The following TMEM106B variants were observed in gnomAD, a reference collection of about 807,000 sequenced individuals.
TMEM106B encodes the protein transmembrane protein 106B.
TMEM106B carries 15 observed loss-of-function variants against 31.1 expected under a neutral mutation model. The ratio of observed to expected loss-of-function variants is 0.48; its 90% CI spans 0.32 to 0.74. The LOEUF (loss-of-function observed/expected upper bound fraction) is 0.74. TMEM106B is among the 30% of genes least tolerant of loss of function. The pLI is 0.03. For missense variants in TMEM106B, 283 were observed against 327.3 expected (o/e 0.86, Z 1.04); for synonymous variants, 126 against 112.5 (o/e 1.12, Z -0.76).
intron 2 of TMEM106B, chr7:12,215,664 A>G (rs1323137893): frequency 2.7e-6 from 1 of 371,258 alleles, no homozygotes. Context: ...GCGATCATCC[A>G]GCCTTGGCCT....
chr7:12,229,261 A>T (rs1781964710), intron 4 of TMEM106B, among the ~76,000 whole-genome samples: 1 of 152,102 alleles, frequency 6.6e-6, no homozygotes, highest in African/African-American at 2.4e-5. Context: ...TCCCCAACCA[A>T]CCAGACTTGA....
chr7:12,219,519 C>T (rs1382486543), intron 3 of TMEM106B, among the ~76,000 whole-genome samples: 2 of 152,152 alleles, frequency 1.3e-5, no homozygotes, highest in Non-Finnish European at 2.9e-5. Flanking sequence ...AAGCAAAATA[C>T]TGACACTTTA....
intron 3 of TMEM106B, among the ~76,000 whole-genome samples, chr7:12,218,804 T>A (rs1046110284): frequency 3.3e-5 from 5 of 151,856 alleles, no homozygotes; most frequent in African/African-American, 1.2e-4. Flanking sequence ...TCATTAAAAA[T>A]TGGATAATAA....
chr7:12,224,086 C>A, intron 3 of TMEM106B, 140 bp from the exon 4 acceptor site: 1 of 740,508 alleles, frequency 1.4e-6, no homozygotes, highest in Non-Finnish European at 2.3e-6. Context: ...CCAATACTTT[C>A]AGATGTGAAA....
In TMEM106B at chr7:12,236,008, A is replaced by G. The variant is rs1396955113; in HGVS notation, c.*4033A>G. On this transcript the variant is annotated 3_prime_UTR_variant, in exon 8 of 8. Transcript: ENST00000396668. The stretch of plus-strand genomic sequence containing the variant: ...TGTTTATCTTAGACTATTTTAGGGA[A>G]AAATTTTACATGTTTGAGATGGTGG... 6.6e-6 allele frequency: 1 copy of G among 151,922 alleles called. No homozygotes were observed. The highest frequency in any genetic ancestry group is 2.4e-5 in the African/African-American group (1 of 41,430). 9.4% of individuals were successfully genotyped at this position (151,922 alleles called of 1,614,324 possible).
intron 2 of TMEM106B, among the ~76,000 whole-genome samples, chr7:12,216,958 A>C (rs1375611871): frequency 6.6e-6 from 1 of 152,090 alleles, no homozygotes; most frequent in Non-Finnish European, 1.5e-5. Context: ...AGATTTTCTG[A>C]GGGGTTTGGC....
chr7:12,214,773 C>T (rs1781653614), intron 1 of TMEM106B, 36 bp from the exon 2 acceptor site: 1 of 1,507,340 alleles, frequency 6.6e-7, no homozygotes, highest in Non-Finnish European at 8.9e-7. Flanking sequence ...TACTTTTTTC[C>T]CTGAAGTTTA....
In TMEM106B at chr7:12,214,909, T is replaced by A. The variant is rs771804126; in HGVS notation, c.99T>A (p.Ser33Arg). The change falls in exon 2 of 8, where the codon AGT becomes AGA. Residue 33 changes from serine to arginine, a missense_variant. Ser to Arg is a moderately radical substitution (Grantham distance 110). Transcript: ENST00000396668. ...ACATGAGGAATGGACTGGTTAATAG[T>A]GAAGTCCATAATGAAGATGGAAGAA... is the stretch of plus-strand genomic sequence containing the variant. ...SENMRNGLVN[S>R]EVHNEDGRNG... The A allele has an allele frequency of 5.0e-6, 8 of 1,613,848 alleles. No individual in the cohort carries two copies. In the Admixed American group the frequency reaches 5.0e-5, roughly 10 times the overall value.
chr7:12,231,191 CA>C, intron 7 of TMEM106B, 76 bp downstream of exon 7: 1 of 1,072,940 alleles, frequency 9.3e-7, no homozygotes, highest in East Asian at 2.5e-5. Context: ...ATAATATACA[CA>C]ACATCTTTAT....
At position 12,236,664 on chromosome 7, in the gene TMEM106B, A is replaced by G. The variant is rs73061527; in HGVS notation, c.*4689A>G. On this transcript the variant is annotated 3_prime_UTR_variant, in exon 8 of 8. Coordinates refer to ENST00000396668, the MANE Select transcript of TMEM106B (RefSeq NM_001134232.2). ...CACTTCACCCAGAATTTTAGAAACTAGAAGTCTGGGAGGTACTATATCAGC... is the reference window on the plus strand; with the variant it reads ...CACTTCACCCAGAATTTTAGAAACTGGAAGTCTGGGAGGTACTATATCAGC... The G allele has an allele frequency of 3.3e-5, 5 of 152,182 alleles. No homozygotes were observed. The highest frequency in any genetic ancestry group is 9.6e-5 in the African/African-American group (4 of 41,584). The allele number at this position is 152,182 out of a possible 1,614,324, so 9.4% of individuals were successfully genotyped here.
Position 12,242,920 on chromosome 7 carries a change from T to C in TMEM106B, c.*10945T>C, listed in dbSNP as rs1398070683. 1 of 152,134 alleles carries C rather than the reference T, an allele frequency of 6.6e-6. No homozygotes were observed. The highest frequency in any genetic ancestry group is 1.5e-5 in the Non-Finnish European group (1 of 67,984). The allele number at this position is 152,134 out of a possible 1,614,324, so 9.4% of individuals were successfully genotyped here. A position where few individuals can be genotyped will look rare whatever the true frequency, so the allele number is the denominator to read the frequency against. ...TTATACATATCTACTGATTTATTTATTGCCTATGTACCTATACTAGAACAT... is the reference window on the plus strand; with the variant it reads ...TTATACATATCTACTGATTTATTTACTGCCTATGTACCTATACTAGAACAT... On this transcript the variant is annotated 3_prime_UTR_variant, in exon 8 of 8. Transcript: ENST00000396668.
chr7:12,231,882 C>G lies in TMEM106B; in HGVS notation c.732C>G (p.Ser244=), dbSNP rs749250201. 1 of 1,611,198 alleles carries G rather than the reference C, an allele frequency of 6.2e-7. No homozygotes were observed. The part of the protein sequence containing the change: ...TTYFGHSEQI[S]QERYQYVDCG... ...ACTTTGGCCACTCTGAACAGATATC[C>G]CAGGAGAGGTATCAGTATGTCGACT... The change falls in exon 8 of 8, where the codon TCC becomes TCG. Residue 244 remains serine, a synonymous_variant. Transcript: ENST00000396668.
In TMEM106B at chr7:12,234,979, A is replaced by G. The variant is rs959651177; in HGVS notation, c.*3004A>G. ...AAGATCAAGTATCTCTGTCTCCCAT[A>G]TCTGTGTTCTATCATTTAAAATATA... On this transcript the variant is annotated 3_prime_UTR_variant, in exon 8 of 8. Coordinates refer to ENST00000396668, the MANE Select transcript of TMEM106B (RefSeq NM_001134232.2). The G allele has an allele frequency of 5.9e-5, 9 of 151,884 alleles. No individual in the cohort carries two copies. Among genetic ancestry groups the G allele is most frequent in the African/African-American group, 2.2e-4 (9 of 41,426 alleles). The allele number at this position is 151,884 out of a possible 1,614,324, so 9.4% of individuals were successfully genotyped here.
chr7:12,229,695 C>T lies in TMEM106B; in HGVS notation c.458C>T (p.Thr153Ile). The change falls in exon 5 of 8, where the codon ACA becomes ATA. Residue 153 changes from threonine (T) to isoleucine (I), a missense_variant. Thr to Ile is a moderately conservative substitution (Grantham distance 89). Around this residue, in one of 3 missense-constraint regions of TMEM106B, gnomAD observed 201 missense variants for 211.5 expected, o/e 0.95. Coordinates refer to ENST00000396668, the MANE Select transcript of TMEM106B (RefSeq NM_001134232.2). ...YLNITNTLNI[T>I]NNNYYSVEVE... ...TTTTTGTAGAACACACTAAATATAACAAACAATAACTATTACTCTGTCGAA... is the reference window on the plus strand; with the variant it reads ...TTTTTGTAGAACACACTAAATATAATAAACAATAACTATTACTCTGTCGAA... 6.3e-7 allele frequency: 1 copy of T among 1,598,546 alleles called. No homozygotes were observed. Among genetic ancestry groups the T allele is most frequent in the Non-Finnish European group, 8.5e-7 (1 of 1,175,256 alleles).
chr7:12,231,539 A>G (rs917131024), intron 7 of TMEM106B: 4 of 272,072 alleles, frequency 1.5e-5, no homozygotes, highest in African/African-American at 4.4e-5. Context: ...TTTTTCTATG[A>G]TAAGAGAACC....
At position 12,220,008 on chromosome 7, in the gene TMEM106B, AC is replaced by A. The variant is rs1335611670; in HGVS notation, c.281+1488del. ...GAAATTCTTGAACTTTAAGAAAACA[AC>A]AAAACTCCTAAATACCTAGGCAAAA... On this transcript the variant is annotated intron_variant, in intron 3 of 7. Transcript: ENST00000396668. Among the ~76,000 whole-genome samples, 11 of 152,280 alleles carry A rather than the reference AC, an allele frequency of 7.2e-5. No homozygotes were observed. In the South Asian group the frequency reaches 1.9e-3, roughly 26 times the overall value.
chr7:12,231,947 A>G lies in TMEM106B; in HGVS notation c.797A>G (p.Tyr266Cys), dbSNP rs764463455. 6 of 1,612,072 alleles carry G rather than the reference A, an allele frequency of 3.7e-6. No homozygotes were observed. In the Admixed American group the frequency reaches 1.0e-4, roughly 27 times the overall value. Residue 266 changes from tyrosine to cysteine, a missense_variant, in exon 8 of 8, where the codon TAT becomes TGT. Coordinates refer to ENST00000396668, the MANE Select transcript of TMEM106B (RefSeq NM_001134232.2). ...ACTTATCAGTTGGGGCAGTCTGAATATTTAAATGTACTTCAGCCACAACAG... is the reference window on the plus strand; with the variant it reads ...ACTTATCAGTTGGGGCAGTCTGAATGTTTAAATGTACTTCAGCCACAACAG... ...NTTYQLGQSE[Y>C]LNVLQPQQ
chr7:12,212,825 G>A (rs1583448888), intron 1 of TMEM106B, among the ~76,000 whole-genome samples: 2 of 152,160 alleles, frequency 1.3e-5, no homozygotes, highest in African/African-American at 2.4e-5. Context: ...TGACTTACTT[G>A]GAATGTCTGT....
In TMEM106B at chr7:12,230,498, A is replaced by G. The variant is rs181999404; in HGVS notation, c.632+60A>G. On this transcript the variant is annotated intron_variant, in intron 6 of 7. Transcript: ENST00000396668. Reference sequence around the variant, plus strand: ...AATAATGAAGTGTATAAAATAAAGTATAAAGAGTATACATATTTTTTAATT... The same window carrying G: ...AATAATGAAGTGTATAAAATAAAGTGTAAAGAGTATACATATTTTTTAATT... 1.7e-5 allele frequency: 19 copies of G among 1,127,224 alleles called. No individual in the cohort carries two copies. The East Asian group carries it at 4.7e-4, about 28-fold the overall frequency. The allele number at this position is 1,127,224 out of a possible 1,614,324, so 69.8% of individuals were successfully genotyped here.
Sources: gnomAD v4.1 joint callset for allele counts (sites outside exome capture counted in the v4.1 genomes callset) on GRCh38, gnomAD v4.1.1 for gene constraint, gnomAD v4.1.1 regional missense constraint, MANE v1.5 for transcripts, NCBI Gene and HGNC (gene_info 2026-07-23, HGNC 2026-07-21) for gene names.